The following GNG4 variants were observed in gnomAD, a reference collection of about 807,000 sequenced individuals.
GNG4 encodes G protein subunit gamma 4.
Under a neutral mutation model 5.8 loss-of-function variants are expected in GNG4, and 4 were observed. The ratio of observed to expected loss-of-function variants is 0.69; its 90% CI spans 0.34 to 1.57. The LOEUF (loss-of-function observed/expected upper bound fraction) is 1.57. GNG4 is among the 40% of genes most tolerant of loss of function. The pLI is 0.06. For missense variants in GNG4, 96 were observed against 95.1 expected, an observed-to-expected ratio of 1.01 and a Z score of -0.04; for synonymous variants, 29 against 32.9, an observed-to-expected ratio of 0.88 and a Z score of 0.41.
At position 235,642,487 on chromosome 1, in the gene GNG4, C is replaced by G. The variant is rs1432341765; in HGVS notation, c.-123+7175G>C. ...AGCCAATCCGTAAGCATCAGAGGGA[C>G]AAAGAAATCATAAACAAGAGGCAGG... On this transcript the variant is annotated intron_variant, in intron 1 of 3. Transcript: ENST00000391854. This position sits in a 1 kb window ranked among gnomAD's most constrained non-coding sequence, Gnocchi z 4.3. 1.3e-5 allele frequency among the ~76,000 whole-genome samples: 2 copies of G among 152,028 alleles called. No individual in the cohort carries two copies. The highest frequency in any genetic ancestry group is 2.9e-5 in the Non-Finnish European group (2 of 68,018).
chr1:235,638,380 G>A (rs1352501014), intron 1 of GNG4, among the ~76,000 whole-genome samples: 1 of 152,142 alleles, frequency 6.6e-6, no homozygotes, highest in Non-Finnish European at 1.5e-5. Context: ...TAAAATCAAG[G>A]TGCCAGGAGG....
intron 1 of GNG4, among the ~76,000 whole-genome samples, chr1:235,621,504 A>G (rs1010333848): frequency 7.3e-5 from 11 of 151,422 alleles, no homozygotes; most frequent in Non-Finnish European, 4.4e-5. Flanking sequence ...CATTTTGGCC[A>G]GGCTGGTCTC....
intron 1 of GNG4, among the ~76,000 whole-genome samples, chr1:235,626,322 G>A (rs1052938156): frequency 4.6e-5 from 7 of 152,104 alleles, no homozygotes; most frequent in African/African-American, 7.2e-5. Context: ...CTGAGTGACA[G>A]CATTTATCAG....
chr1:235,606,683 G>A (rs1688367368), intron 1 of GNG4, among the ~76,000 whole-genome samples: 1 of 152,174 alleles, frequency 6.6e-6, no homozygotes, highest in Non-Finnish European at 1.5e-5. Flanking sequence ...CCAGCAGACA[G>A]GAGGACTGAT....
intron 1 of GNG4, among the ~76,000 whole-genome samples, chr1:235,597,396 C>T (rs1001482775): frequency 2.7e-4 from 11 of 41,372 alleles, no homozygotes; most frequent in Non-Finnish European, 4.7e-4. Flanking sequence ...TTATGTCCCC[C>T]CTACCCCCCC....
intron 3 of GNG4, among the ~76,000 whole-genome samples, chr1:235,561,236 C>T (rs775678685): frequency 6.6e-6 from 1 of 152,132 alleles, no homozygotes; most frequent in Admixed American, 6.5e-5. Context: ...GTCTCGATCT[C>T]CTGACCTCGT....
chr1:235,591,555 C>G (rs1452175819), intron 2 of GNG4, among the ~76,000 whole-genome samples: 2 of 152,234 alleles, frequency 1.3e-5, no homozygotes, highest in African/African-American at 4.8e-5. Flanking sequence ...CTGAGACTGT[C>G]TGGATGCTAT....
chr1:235,605,469 C>T (rs746718817), intron 1 of GNG4, among the ~76,000 whole-genome samples: 2 of 152,076 alleles, frequency 1.3e-5, no homozygotes, highest in African/African-American at 2.4e-5. Flanking sequence ...GCCACCGTGC[C>T]TGGCCCGTGA....
intron 1 of GNG4, among the ~76,000 whole-genome samples, chr1:235,612,277 C>A (rs1158799631): frequency 6.6e-6 from 1 of 152,170 alleles, no homozygotes; most frequent in Admixed American, 6.5e-5. Context: ...GAGGCCCTGG[C>A]CTGCCAGCAG....
At chr1:235,629,795 T>C (rs1688896221) in intron 1 of GNG4, among the ~76,000 whole-genome samples, 1 of 152,028 alleles carries the variant, frequency 6.6e-6, no homozygotes, top group Non-Finnish European at 1.5e-5. Flanking sequence ...TTTTACCATG[T>C]TGGCTAGGCT....
At chr1:235,636,082 TA>T (rs1236259023) in intron 1 of GNG4, among the ~76,000 whole-genome samples, 1 of 152,142 alleles carries the variant, frequency 6.6e-6, no homozygotes, top group Non-Finnish European at 1.5e-5. Context: ...GCTAGACAGG[TA>T]AGCCCAGACT....
At chr1:235,574,910 C>A (rs909719236) in intron 3 of GNG4, among the ~76,000 whole-genome samples, 2 of 152,124 alleles carry the variant, frequency 1.3e-5, no homozygotes, top group African/African-American at 4.8e-5. Context: ...CTGCAACCTC[C>A]ACCTCCTGGG....
intron 1 of GNG4, among the ~76,000 whole-genome samples, chr1:235,624,631 G>T (rs1688774338): frequency 1.3e-5 from 2 of 152,064 alleles, no homozygotes; most frequent in Non-Finnish European, 2.9e-5. Context: ...CATTCCTGAA[G>T]AATTAACTTT....
intron 1 of GNG4, among the ~76,000 whole-genome samples, chr1:235,623,442 C>T (rs556155653): frequency 2.0e-5 from 3 of 152,270 alleles, no homozygotes; most frequent in Middle Eastern, 3.4e-3. Flanking sequence ...CAGGTGACTT[C>T]GTGGCTTCTG....
intron 3 of GNG4, among the ~76,000 whole-genome samples, chr1:235,555,154 C>T (rs781563491): frequency 5.3e-5 from 8 of 152,122 alleles, no homozygotes; most frequent in Non-Finnish European, 7.4e-5. Flanking sequence ...AACACTTGCA[C>T]GCCACTGTGG....
intron 3 of GNG4, among the ~76,000 whole-genome samples, chr1:235,577,895 G>A (rs926176667): frequency 1.3e-5 from 2 of 151,798 alleles, no homozygotes; most frequent in East Asian, 1.9e-4. Context: ...CAGTAACCTC[G>A]TACCCATCCC....
intron 1 of GNG4, among the ~76,000 whole-genome samples, chr1:235,607,398 A>G (rs902239103): frequency 7.2e-5 from 11 of 152,230 alleles, no homozygotes; most frequent in African/African-American, 2.7e-4. Flanking sequence ...TGGTGTCACC[A>G]CCAACATCAG....
intron 1 of GNG4, among the ~76,000 whole-genome samples, chr1:235,630,457 G>T (rs897315468): frequency 5.9e-5 from 9 of 152,194 alleles, no homozygotes; most frequent in African/African-American, 2.2e-4. Flanking sequence ...CTTATCAGAT[G>T]CCGTCATCAA....
At position 235,621,873 on chromosome 1, in the gene GNG4, T is replaced by C. The variant is rs187704341; in HGVS notation, c.-122-26362A>G. Among the ~76,000 whole-genome samples the C allele has an allele frequency of 4.2e-4, 64 of 152,094 alleles. No homozygotes were observed. In the East Asian group the frequency reaches 7.6e-3, roughly 18 times the overall value. On this transcript the variant is annotated intron_variant, in intron 1 of 3. Transcript: ENST00000391854. ...TGTATTTTTAGTAGAGATGGGGTTT[T>C]GCCATGTTGCTCAGGTTGGTCTCGA...
Sources: gnomAD v4.1 joint callset for allele counts (sites outside exome capture counted in the v4.1 genomes callset) on GRCh38, gnomAD v4.1.1 for gene constraint, Gnocchi (gnomAD v3.1) non-coding constraint, MANE v1.5 for transcripts, NCBI Gene and HGNC (gene_info 2026-07-23, HGNC 2026-07-21) for gene names.